The following GRID2 variants were observed in gnomAD, a reference collection of about 807,000 sequenced individuals.
The protein encoded by GRID2 is glutamate ionotropic receptor delta type subunit 2.
GRID2 carries 33 observed loss-of-function variants against 114.8 expected under a neutral mutation model. The observed-to-expected ratio is 0.29, with a 90% CI of 0.22 to 0.38. GRID2 has a LOEUF of 0.38. Ranked by LOEUF, GRID2 falls within the 10% of genes least tolerant of loss-of-function variation. The pLI is 1.00. For missense variants in GRID2, 1,184 were observed against 1,257.7 expected (o/e 0.94, Z 0.89); for synonymous variants, 505 against 449.9 (o/e 1.12, Z -1.55).
At chr4:92,928,678 C>A (rs1750008390) in intron 2 of GRID2, among the ~76,000 whole-genome samples, 1 of 151,474 alleles carries the variant, frequency 6.6e-6, no homozygotes, top group African/African-American at 2.4e-5. Context: ...CGCTTTAGTA[C>A]ATAGGTAATT....
rs540683193 is a variant in GRID2, at chr4:93,090,318, C to T, written c.529+5039C>T. Among the ~76,000 whole-genome samples the T allele has an allele frequency of 2.9e-4, 44 of 152,246 alleles. No homozygotes were observed. The South Asian group carries it at 7.9e-3, about 27-fold the overall frequency. On this transcript the variant is annotated intron_variant, in intron 3 of 15. Transcript: ENST00000282020. ...CTGAAGTTTACTTTAAAAAGCCAGG[C>T]GGCTCTCTCCTTAAGTTTCTGCATA...
chr4:92,499,822 C>A (rs1309251432), intron 1 of GRID2, among the ~76,000 whole-genome samples: 1 of 152,144 alleles, frequency 6.6e-6, no homozygotes, highest in Non-Finnish European at 1.5e-5. Flanking sequence ...ACCATGTTGG[C>A]CAGGTTGGTC....
At chr4:93,026,781 G>T (rs1484414982) in intron 2 of GRID2, among the ~76,000 whole-genome samples, 2 of 151,860 alleles carry the variant, frequency 1.3e-5, no homozygotes, top group East Asian at 1.9e-4. Context: ...ATTTAAGAAT[G>T]ACTACTCACT....
chr4:93,691,234 GAT>G (rs1473527724), intron 14 of GRID2, among the ~76,000 whole-genome samples: 1 of 151,878 alleles, frequency 6.6e-6, no homozygotes, highest in African/African-American at 2.4e-5. Context: ...TGTTTCAAAT[GAT>G]AGATTGATTA....
intron 1 of GRID2, among the ~76,000 whole-genome samples, chr4:92,548,401 A>ATTTTTTTTTTTTTTT (rs61653263): frequency 0.26 from 15,588 of 60,374 alleles, 4,985 homozygotes; most frequent in Non-Finnish European, 0.28. Context: ...AGACTGTGTA[A>ATTTTTTTTTTTTTTT]TTTTTTTTTT....
chr4:92,934,503 C>A (rs1750490362), intron 2 of GRID2, among the ~76,000 whole-genome samples: 1 of 146,366 alleles, frequency 6.8e-6, no homozygotes, highest in Admixed American at 7.4e-5. Flanking sequence ...CATCAAGCTA[C>A]CAATGACTTT....
chr4:92,359,357 T>G (rs552094358), intron 1 of GRID2, among the ~76,000 whole-genome samples: 1 of 152,136 alleles, frequency 6.6e-6, no homozygotes, highest in African/African-American at 2.4e-5. Flanking sequence ...CATACAGTCC[T>G]AAAGTTAAAT....
intron 2 of GRID2, among the ~76,000 whole-genome samples, chr4:92,997,336 C>G (rs1181896001): frequency 9.9e-5 from 15 of 152,238 alleles, no homozygotes; most frequent in Admixed American, 6.5e-4. Context: ...CCCAAGGAAC[C>G]TGAGCTCTGA....
chr4:93,218,745 G>A (rs1320497654), intron 6 of GRID2, among the ~76,000 whole-genome samples: 2 of 152,110 alleles, frequency 1.3e-5, no homozygotes, highest in Non-Finnish European at 2.9e-5. Flanking sequence ...TTCTCACACT[G>A]CCATAAAGTA....
intron 2 of GRID2, among the ~76,000 whole-genome samples, chr4:92,701,397 C>G (rs1261254847): frequency 6.6e-6 from 1 of 151,880 alleles, no homozygotes; most frequent in East Asian, 1.9e-4. Flanking sequence ...CAAAATGATG[C>G]TAATATAATA....
chr4:93,697,902 C>T (rs375743742), intron 14 of GRID2, among the ~76,000 whole-genome samples: 12 of 77,350 alleles, frequency 1.6e-4, no homozygotes, highest in East Asian at 1.5e-3. Context: ...ACGTTGTACA[C>T]GATACAATTT....
At chr4:93,608,296 C>CTTTTTTTTTTTTTTTTTT (rs774334616) in intron 13 of GRID2, among the ~76,000 whole-genome samples, 11 of 116,942 alleles carry the variant, frequency 9.4e-5, no homozygotes, top group East Asian at 4.8e-4. Context: ...ATTTTTTTTT[C>CTTTTTTTTTTTTTTTTTT]TTTTTTTTTT....
chr4:93,521,605 G>A (rs1578181684), intron 13 of GRID2, among the ~76,000 whole-genome samples: 1 of 152,084 alleles, frequency 6.6e-6, no homozygotes, highest in African/African-American at 2.4e-5. Context: ...AGGCCTGGTA[G>A]AGTAGAAGAA....
intron 8 of GRID2, among the ~76,000 whole-genome samples, chr4:93,306,669 A>C (rs1755458319): frequency 6.6e-6 from 1 of 152,152 alleles, no homozygotes; most frequent in Non-Finnish European, 1.5e-5. Flanking sequence ...GGGATTATTT[A>C]CTGTTATTAA....
intron 1 of GRID2, among the ~76,000 whole-genome samples, chr4:92,476,546 C>G (rs187313774): frequency 1.3e-3 from 201 of 152,070 alleles, no homozygotes; most frequent in African/African-American, 4.6e-3. Flanking sequence ...GATTAGATAT[C>G]CTTCACTCTG....
intron 2 of GRID2, among the ~76,000 whole-genome samples, chr4:92,970,915 A>G (rs1198402401): frequency 6.6e-6 from 1 of 151,832 alleles, no homozygotes; most frequent in Non-Finnish European, 1.5e-5. Flanking sequence ...TGTGTTAATT[A>G]GCATTGCATA....
chr4:93,630,640 C>T (rs897455250), intron 14 of GRID2, among the ~76,000 whole-genome samples: 1 of 152,114 alleles, frequency 6.6e-6, no homozygotes, highest in Non-Finnish European at 1.5e-5. Context: ...TTCCAAGTTG[C>T]ATGGAGAATA....
At position 92,351,604 on chromosome 4, in the gene GRID2, T is replaced by C. The variant is rs540415824; in HGVS notation, c.88+46860T>C. ...AGTGCTATGAAACACTAGAACTTTT[T>C]CCTCCTATTTAGCTGTAAGTTTGTA... On this transcript the variant is annotated intron_variant, in intron 1 of 15. Transcript: ENST00000282020. Among the ~76,000 whole-genome samples the C allele has an allele frequency of 2.0e-5, 3 of 151,906 alleles. No homozygotes were observed. In the South Asian group the frequency reaches 6.2e-4, roughly 32 times the overall value.
At chr4:93,627,014 C>G (rs1742792443) in intron 14 of GRID2, among the ~76,000 whole-genome samples, 1 of 152,054 alleles carries the variant, frequency 6.6e-6, no homozygotes. Context: ...ATCAGAATTT[C>G]TATGATGAAG....
Sources: allele counts gnomAD v4.1 joint callset (sites outside exome capture counted in the v4.1 genomes callset), GRCh38; gene constraint gnomAD v4.1.1; transcripts MANE v1.5; gene names NCBI Gene and HGNC (gene_info 2026-07-23, HGNC 2026-07-21).